The following ZDHHC2 variants were observed in gnomAD, a reference collection of about 807,000 sequenced individuals.
ZDHHC2 encodes zDHHC palmitoyltransferase 2.
In ZDHHC2, 51 loss-of-function variants were observed where a neutral mutation model predicts 55.6. That is an observed-to-expected ratio of 0.92 (90% CI 0.73 to 1.16). The LOEUF is 1.16. ZDHHC2 is among the 50% of genes most tolerant of loss of function. ZDHHC2 has a pLI of 0.00. For missense variants in ZDHHC2, 491 were observed against 442.4 expected (o/e 1.11, Z -0.99); for synonymous variants, 199 against 152.9 (o/e 1.30, Z -2.22).
intron 1 of ZDHHC2, among the ~76,000 whole-genome samples, chr8:17,171,182 T>TGGA (rs1472334071): frequency 6.6e-6 from 1 of 152,170 alleles, no homozygotes; most frequent in Non-Finnish European, 1.5e-5. Context: ...TGTAGGAACT[T>TGGA]GGAGTTGAGT....
intron 1 of ZDHHC2, chr8:17,162,968 T>C (rs539042007): frequency 5.3e-5 from 8 of 152,370 alleles, no homozygotes; most frequent in African/African-American, 1.7e-4. Flanking sequence ...CAGAGTAAGA[T>C]TTTAAGCAGC....
At chr8:17,212,905 C>A (rs1376823836) in intron 10 of ZDHHC2, among the ~76,000 whole-genome samples, 1 of 152,022 alleles carries the variant, frequency 6.6e-6, no homozygotes, top group East Asian at 1.9e-4. Flanking sequence ...GCCCGTTGCC[C>A]AGGCCGGAGT....
chr8:17,190,887 A>G (rs1037044499), intron 3 of ZDHHC2, among the ~76,000 whole-genome samples: 1 of 151,032 alleles, frequency 6.6e-6, no homozygotes, highest in African/African-American at 2.4e-5. Context: ...TTTAAAATGT[A>G]CAATTAAATT....
chr8:17,200,825 C>T (rs994668981), intron 6 of ZDHHC2, among the ~76,000 whole-genome samples: 2 of 152,184 alleles, frequency 1.3e-5, no homozygotes, highest in East Asian at 1.9e-4. Flanking sequence ...TGTTACTCCA[C>T]CCTTAGGTGG....
At chr8:17,203,182 C>G (rs7831421) in intron 6 of ZDHHC2, among the ~76,000 whole-genome samples, 17,465 of 151,222 alleles carry the variant, frequency 0.12, 2,505 homozygotes, top group East Asian at 0.34. Flanking sequence ...ACCACAGCCT[C>G]CCGAGTAGCT....
Position 17,156,642 on chromosome 8 carries a change from A to C in ZDHHC2, c.-82A>C. On this transcript the variant is annotated 5_prime_UTR_variant, in exon 1 of 13. Coordinates refer to ENST00000262096, the MANE Select transcript of ZDHHC2 (RefSeq NM_016353.5). ...CCGCCGCCCAGGAGCCCGTCCAGCCAGGGGTGCCGGGCCCGCCCAGCCCGC... is the reference window on the plus strand; with the variant it reads ...CCGCCGCCCAGGAGCCCGTCCAGCCCGGGGTGCCGGGCCCGCCCAGCCCGC... The C allele has an allele frequency of 3.7e-6, 4 of 1,070,374 alleles. No individual in the cohort carries two copies. Among genetic ancestry groups the C allele is most frequent in the Admixed American group, 5.2e-5 (1 of 19,298 alleles). The allele number at this position is 1,070,374 out of a possible 1,614,324, so 66.3% of individuals were successfully genotyped here.
At chr8:17,215,437 A>G in intron 11 of ZDHHC2, 88 bp downstream of exon 11, 1 of 1,001,622 alleles carries the variant, frequency 1.0e-6, no homozygotes, top group Non-Finnish European at 1.5e-6. Flanking sequence ...TACTACCTAC[A>G]GATGTTTTCT....
At chr8:17,218,448 C>T (rs1390952401) in intron 12 of ZDHHC2, among the ~76,000 whole-genome samples, 1 of 151,690 alleles carries the variant, frequency 6.6e-6, no homozygotes, top group African/African-American at 2.4e-5. Flanking sequence ...TTTTTAAGGT[C>T]AGTGCTATTA....
intron 10 of ZDHHC2, among the ~76,000 whole-genome samples, chr8:17,213,015 C>A (rs1807461486): frequency 6.6e-6 from 1 of 152,090 alleles, no homozygotes; most frequent in South Asian, 2.1e-4. Context: ...ACTTTCCTTT[C>A]ACTTACAATC....
chr8:17,173,822 G>C (rs934855893), intron 1 of ZDHHC2, among the ~76,000 whole-genome samples: 1 of 152,130 alleles, frequency 6.6e-6, no homozygotes, highest in Non-Finnish European at 1.5e-5. Context: ...AAAATTCTTA[G>C]GTGAAAGTCC....
intron 1 of ZDHHC2, among the ~76,000 whole-genome samples, chr8:17,164,164 T>G (rs936784942): frequency 1.3e-5 from 2 of 152,234 alleles, no homozygotes; most frequent in African/African-American, 4.8e-5. Context: ...CTTTATATCA[T>G]TTATGTAGCA....
At chr8:17,190,455 T>C (rs1196459305) in intron 3 of ZDHHC2, among the ~76,000 whole-genome samples, 3 of 152,180 alleles carry the variant, frequency 2.0e-5, no homozygotes. Flanking sequence ...GGCTATTCTT[T>C]TAATTGATCA....
At position 17,221,598 on chromosome 8, in the gene ZDHHC2, A is replaced by G. The variant is rs1807920806; in HGVS notation, c.*1377A>G. On this transcript the variant is annotated 3_prime_UTR_variant, in exon 13 of 13. Coordinates refer to ENST00000262096, the MANE Select transcript of ZDHHC2 (RefSeq NM_016353.5). ...TGTTAAACCAAACATTCAACACAAA[A>G]TAAACTAGAAGGCCAGAGGATAATG... is the stretch of plus-strand genomic sequence containing the variant. The G allele has an allele frequency of 6.6e-6, 1 of 152,484 alleles. No individual in the cohort carries two copies. Among genetic ancestry groups the G allele is most frequent in the African/African-American group, 2.4e-5 (1 of 41,454 alleles). 9.4% of individuals were successfully genotyped at this position (152,484 alleles called of 1,614,324 possible).
chr8:17,205,113 T>C (rs1384850414), intron 6 of ZDHHC2, among the ~76,000 whole-genome samples: 1 of 152,198 alleles, frequency 6.6e-6, no homozygotes, highest in African/African-American at 2.4e-5. Context: ...TAGTGTCAAA[T>C]GGGCCTTCTG....
intron 1 of ZDHHC2, chr8:17,162,796 G>A (rs1022315869): frequency 1.1e-4 from 17 of 152,160 alleles, no homozygotes; most frequent in African/African-American, 3.6e-4. Context: ...GAAATGGAAA[G>A]CAAAACGTCT....
At chr8:17,214,266 G>C (rs1292470087) in intron 10 of ZDHHC2, among the ~76,000 whole-genome samples, 1 of 152,070 alleles carries the variant, frequency 6.6e-6, no homozygotes, top group African/African-American at 2.4e-5. Flanking sequence ...ATTCTTCTTA[G>C]AAGACTGCTC....
chr8:17,199,623 TCCTTTCTTCTTCTTCTCCTCCTCCTCCTC>T (rs1563161750), intron 6 of ZDHHC2, among the ~76,000 whole-genome samples: 23 of 101,222 alleles, frequency 2.3e-4, no homozygotes, highest in Non-Finnish European at 4.9e-4. Flanking sequence ...TTCTTCTTCT[TCCTTTCTTCTTCTTCTCCTCCTCCTCCTC>T]CCTCCTCCCT....
At chr8:17,209,322 A>G (rs780898463) in intron 8 of ZDHHC2, among the ~76,000 whole-genome samples, 1 of 152,064 alleles carries the variant, frequency 6.6e-6, no homozygotes, top group Non-Finnish European at 1.5e-5. Flanking sequence ...ATGAGAACCA[A>G]TTTCAACGAA....
intron 6 of ZDHHC2, among the ~76,000 whole-genome samples, chr8:17,199,503 T>TCTTCGTCTTCGTCTTCGTCTTCG (rs1554465991): frequency 1.6e-5 from 1 of 63,248 alleles, no homozygotes; most frequent in African/African-American, 4.7e-5. Context: ...CTTCTTCTTC[T>TCTTCGTCTTCGTCTTCGTCTTCG]TCTTCTTCTT....
Sources: allele counts gnomAD v4.1 joint callset (sites outside exome capture counted in the v4.1 genomes callset), GRCh38; gene constraint gnomAD v4.1.1; transcripts MANE v1.5; gene names NCBI Gene and HGNC (gene_info 2026-07-23, HGNC 2026-07-21).